The following TJP2 variants were observed in gnomAD, a reference collection of about 807,000 sequenced individuals.
TJP2 encodes tight junction protein 2, also known as Friedreich ataxia region gene X104 (tight junction protein ZO-2).
Under a neutral mutation model 133.1 loss-of-function variants are expected in TJP2, and 91 were observed. The observed-to-expected ratio is 0.68, with a 90% CI of 0.58 to 0.81. The LOEUF is 0.81. Ranked by LOEUF, TJP2 falls within the 40% of genes least tolerant of loss-of-function variation. TJP2 has a pLI of 0.00. For missense variants in TJP2, 1,541 were observed against 1,565.6 expected (o/e 0.98, Z 0.26); for synonymous variants, 592 against 583.4 (o/e 1.01, Z -0.21).
chr9:69,184,720 G>GCAGTT (rs1226027822), intron 1 of TJP2, among the ~76,000 whole-genome samples: 4 of 151,276 alleles, frequency 2.6e-5, no homozygotes, highest in Non-Finnish European at 4.4e-5. Context: ...AACTGCTGCT[G>GCAGTT]CAGTTCAGAC....
In TJP2 at chr9:69,226,131, T is replaced by C. The variant is rs1257654618; in HGVS notation, c.1166T>C (p.Leu389Pro). 1 of 1,614,060 alleles carries C rather than the reference T, an allele frequency of 6.2e-7. No homozygotes were observed. The highest frequency in any genetic ancestry group is 2.2e-5 in the East Asian group (1 of 44,868). Residue 389 changes from leucine to proline, a missense_variant, in exon 7 of 23, where the codon CTC (leucine) becomes CCC (proline). Transcript: ENST00000377245. ...LVVLRDSQQTLINIPSLNDSD... is the reference protein window; with the variant it reads ...LVVLRDSQQTPINIPSLNDSD... ...GTGTTGAGAGACAGCCAGCAGACCC[T>C]CATCAACATCCCGTCATTAAATGAC...
intron 3 of TJP2, among the ~76,000 whole-genome samples, chr9:69,216,777 G>A (rs942426703): frequency 2.0e-5 from 3 of 152,030 alleles, no homozygotes; most frequent in Non-Finnish European, 4.4e-5. Context: ...TCTCAACCCC[G>A]ATGCTTAACC....
chr9:69,145,772 A>C, intron 1 of TJP2: 5 of 1,232,096 alleles, frequency 4.1e-6, no homozygotes, highest in Non-Finnish European at 5.1e-6. Flanking sequence ...ACAAAAGAGA[A>C]CTTCTACCTG....
In TJP2 at chr9:69,236,011, A is replaced by G. The variant is rs766914781; in HGVS notation, c.1781-17A>G. 7 of 1,612,112 alleles carry G rather than the reference A, an allele frequency of 4.3e-6. No individual in the cohort carries two copies. The highest frequency in any genetic ancestry group is 4.5e-5 in the East Asian group (2 of 44,886). On this transcript the variant is annotated splice_polypyrimidine_tract_variant and intron_variant, in intron 12 of 22. Transcript: ENST00000377245. The stretch of plus-strand genomic sequence containing the variant: ...TGTACTAAGCTGAATGCAACAAACG[A>G]TGCTTTTGTCTTTCAGTGTATAGAG...
At chr9:69,232,530 T>C (rs1306108880) in intron 11 of TJP2, among the ~76,000 whole-genome samples, 1 of 152,244 alleles carries the variant, frequency 6.6e-6, no homozygotes, top group Non-Finnish European at 1.5e-5. Context: ...CATGGCCAAA[T>C]TGAATATATA....
chr9:69,253,756 T>G, intron 22 of TJP2: 1 of 288,794 alleles, frequency 3.5e-6, no homozygotes, highest in Non-Finnish European at 6.8e-6. Context: ...CTTGTGGCCA[T>G]TCTGACTGGA....
chr9:69,189,075 T>G (rs1177883401), intron 1 of TJP2, among the ~76,000 whole-genome samples: 1 of 152,114 alleles, frequency 6.6e-6, no homozygotes, highest in Non-Finnish European at 1.5e-5. Flanking sequence ...TAATGTGGAG[T>G]AGACTAGTCA....
chr9:69,154,090 T>A (rs1024815921), intron 2 of TJP2, among the ~76,000 whole-genome samples: 5 of 152,214 alleles, frequency 3.3e-5, no homozygotes, highest in African/African-American at 9.6e-5. Flanking sequence ...GAACTTGAGA[T>A]TCAAAGATTT....
At chr9:69,249,033 A>G in intron 19 of TJP2, 2 of 1,015,382 alleles carry the variant, frequency 2.0e-6, no homozygotes, top group Non-Finnish European at 2.4e-6. Flanking sequence ...ATACACCATT[A>G]CCACAGCAAC....
Position 69,156,507 on chromosome 9 carries a change from A to C in TJP2, c.-10+4736A>C, listed in dbSNP as rs573496446. Among the ~76,000 whole-genome samples the C allele has an allele frequency of 4.8e-3, 724 of 151,370 alleles. 5 individuals are homozygous for C. The highest frequency in any genetic ancestry group is 7.9e-3 in the Non-Finnish European group (534 of 67,902). On this transcript the variant is annotated intron_variant, in intron 2 of 5. Transcript: ENST00000423935. ...ACATTTTAGGGAGACATAATACATC[A>C]ATCAATACATGTAAGATTTTTTTTT...
Position 69,215,879 on chromosome 9 carries a change from G to A in TJP2, c.115-460G>A, listed in dbSNP as rs561087607. 5.3e-4 allele frequency among the ~76,000 whole-genome samples: 80 copies of A among 152,246 alleles called. 1 individual carries two copies. In the South Asian group the frequency reaches 0.016, roughly 31 times the overall value. The stretch of plus-strand genomic sequence containing the variant: ...GATCACACCGCTGCACTCCAGCCTA[G>A]CAACAGATCAAAACTCTGTCTCTTA... On this transcript the variant is annotated intron_variant, in intron 2 of 22. Transcript: ENST00000377245.
rs779845284 is a variant in TJP2 at position 69,237,946 on chromosome 9, G to C, written c.2248G>C (p.Glu750Gln). 4 of 1,613,530 alleles carry C rather than the reference G, an allele frequency of 2.5e-6. No individual in the cohort carries two copies. Among genetic ancestry groups the C allele is most frequent in the Non-Finnish European group, 3.4e-6 (4 of 1,179,642 alleles). ...ADIAMEKLANELPDWFQTAKT... is the reference protein window; with the variant it reads ...ADIAMEKLANQLPDWFQTAKT... ...TATAGCAATGGAAAAATTGGCTAAT[G>C]AGTTACCTGACTGGTTTCAAACTGC... is the stretch of plus-strand genomic sequence containing the variant. Residue 750 changes from glutamate to glutamine, a missense_variant, in exon 15 of 23, where the codon GAG (glutamate) becomes CAG (glutamine). Transcript: ENST00000377245.
chr9:69,183,017 G>T (rs561441519), intron 1 of TJP2, among the ~76,000 whole-genome samples: 41 of 151,154 alleles, frequency 2.7e-4, no homozygotes, highest in Middle Eastern at 6.8e-3. Context: ...GGCTGATCTC[G>T]AACTCCTGAT....
At chr9:69,232,778 G>A (rs1829884063) in intron 11 of TJP2, among the ~76,000 whole-genome samples, 1 of 152,154 alleles carries the variant, frequency 6.6e-6, no homozygotes, top group African/African-American at 2.4e-5. Context: ...ACTTTTATGG[G>A]ATGGAAAAGA....
chr9:69,204,892 C>T, intron 1 of TJP2: 2 of 1,252,188 alleles, frequency 1.6e-6, no homozygotes, highest in South Asian at 5.2e-5. Context: ...CTCGGATGCT[C>T]TAGTTCCCTG....
At chr9:69,245,750 A>T (rs1830880306) in intron 17 of TJP2, among the ~76,000 whole-genome samples, 1 of 152,236 alleles carries the variant, frequency 6.6e-6, no homozygotes, top group Non-Finnish European at 1.5e-5. Flanking sequence ...TCGTGAAATG[A>T]GCTAATCCAG....
At chr9:69,154,415 GC>G (rs1823636419) in intron 2 of TJP2, among the ~76,000 whole-genome samples, 1 of 152,154 alleles carries the variant, frequency 6.6e-6, no homozygotes, top group Non-Finnish European at 1.5e-5. Context: ...GCTCTCCTCT[GC>G]CATTCTGGAG....
rs201850095 is a variant in TJP2 at position 69,227,813 on chromosome 9, G to T, written c.1259G>T (p.Arg420Leu). ...CGATCATTTTCTCCAGAGGAGAGAC[G>T]TCATCAGTATTCTGATTATGATTAT... ...SNRSFSPEER[R>L]HQYSDYDYHS... is the part of the protein sequence containing the mutation. The change falls in exon 8 of 23, where the codon CGT (arginine) becomes CTT (leucine). Residue 420 changes from arginine to leucine, a missense_variant. Coordinates refer to ENST00000377245, the MANE Select transcript of TJP2 (RefSeq NM_004817.4). The T allele has an allele frequency of 6.2e-7, 1 of 1,613,738 alleles. No homozygotes were observed. Among genetic ancestry groups the T allele is most frequent in the African/African-American group, 1.3e-5 (1 of 74,882 alleles).
In TJP2 at chr9:69,248,214, A is replaced by G. The variant is rs1831067325; in HGVS notation, c.2870A>G (p.Gln957Arg). ...SSITRSSEPV[Q>R]HEESIRKPSP... ...ATCACCCGCTCCTCGGAGCCGGTGC[A>G]GCACGAGGAGGTGAGGCGAGGCAGG... The change falls in exon 19 of 23, where the codon CAG becomes CGG. Residue 957 changes from glutamine (Q) to arginine (R), a missense_variant. Gln to Arg is a conservative substitution (Grantham distance 43, BLOSUM62 1). Transcript: ENST00000377245. 19 of 1,600,770 alleles carry G rather than the reference A, an allele frequency of 1.2e-5. No individual in the cohort carries two copies. The highest frequency in any genetic ancestry group is 1.5e-5 in the Non-Finnish European group (18 of 1,172,812).
Sources: allele counts gnomAD v4.1 joint callset (sites outside exome capture counted in the v4.1 genomes callset), GRCh38; gene constraint gnomAD v4.1.1; transcripts MANE v1.5; gene names NCBI Gene and HGNC (gene_info 2026-07-23, HGNC 2026-07-21).